The following NHLRC2 variants were observed in gnomAD, a reference collection of about 807,000 sequenced individuals.
NHLRC2 encodes the protein NHL repeat-containing protein 2.
A neutral mutation model predicts 68.1 loss-of-function variants in NHLRC2; 33 were observed. The observed-to-expected ratio is 0.48, with a 90% CI of 0.37 to 0.65. NHLRC2 has a LOEUF of 0.65. Ranked by LOEUF, NHLRC2 falls within the 30% of genes least tolerant of loss-of-function variation. NHLRC2 has a pLI of 0.00. For missense variants in NHLRC2, 761 were observed against 853.8 expected, an observed-to-expected ratio of 0.89 and a Z score of 1.35; for synonymous variants, 311 against 309.6, an observed-to-expected ratio of 1.00 and a Z score of -0.05.
intron 3 of NHLRC2, among the ~76,000 whole-genome samples, chr10:113,877,516 T>C (rs141525858): frequency 6.6e-6 from 1 of 152,288 alleles, no homozygotes; most frequent in East Asian, 1.9e-4. Context: ...GAAATAGGTG[T>C]AGCAGAGTAT....
intron 4 of NHLRC2, among the ~76,000 whole-genome samples, chr10:113,883,372 A>G: frequency 6.6e-6 from 1 of 151,954 alleles, no homozygotes; most frequent in Non-Finnish European, 1.5e-5. Flanking sequence ...GAATACATGT[A>G]CATTTTCTCC....
intron 3 of NHLRC2, among the ~76,000 whole-genome samples, chr10:113,879,360 C>T (rs1386672123): frequency 6.6e-6 from 1 of 152,098 alleles, no homozygotes; most frequent in Non-Finnish European, 1.5e-5. Context: ...TCGCTATATA[C>T]TACTATGCTT....
Position 113,901,722 on chromosome 10 carries a change from G to A in NHLRC2, c.1196G>A (p.Arg399Gln), listed in dbSNP as rs753981204. Reference protein sequence around the residue: ...RFAGSGNEENRNNAYPHKAGF... With the variant: ...RFAGSGNEENQNNAYPHKAGF... ...GCTGGAAGTGGAAATGAAGAGAATC[G>A]AAACAATGCCTATCCTCACAAGGCA... is the stretch of plus-strand genomic sequence containing the variant. Residue 399 changes from arginine (R) to glutamine (Q), a missense_variant, in exon 7 of 11, where the codon CGA becomes CAA. Coordinates refer to ENST00000369301, the MANE Select transcript of NHLRC2 (RefSeq NM_198514.4). 29 of 1,614,034 alleles carry A rather than the reference G, an allele frequency of 1.8e-5. No individual in the cohort carries two copies. Among genetic ancestry groups the A allele is most frequent in the African/African-American group, 5.3e-5 (4 of 74,940 alleles).
chr10:113,879,719 T>C, intron 4 of NHLRC2, 24 bp downstream of exon 4: 1 of 1,394,234 alleles, frequency 7.2e-7, no homozygotes. Context: ...TAAATTTGTT[T>C]TAATACTTAC....
intron 5 of NHLRC2, among the ~76,000 whole-genome samples, chr10:113,890,866 C>T (rs1468790752): frequency 6.6e-6 from 1 of 152,054 alleles, no homozygotes; most frequent in East Asian, 1.9e-4. Context: ...GCTGGGGAGG[C>T]CTCAGGAAAC....
chr10:113,884,192 C>T, intron 4 of NHLRC2, 59 bp from the exon 5 acceptor site: 3 of 1,527,730 alleles, frequency 2.0e-6, no homozygotes, highest in Non-Finnish European at 2.7e-6. Flanking sequence ...CTTTACACAG[C>T]AAAAGACAAA....
rs1356899041 is a variant in NHLRC2 at position 113,913,273 on chromosome 10, A to T, written c.*4737A>T. ...GGTTTTCTTAAAACATAAATCTTTCATAACTTTATATATTTATAGTAACTT... is the reference window on the plus strand; with the variant it reads ...GGTTTTCTTAAAACATAAATCTTTCTTAACTTTATATATTTATAGTAACTT... On this transcript the variant is annotated 3_prime_UTR_variant, in exon 11 of 11. Coordinates refer to ENST00000369301, the MANE Select transcript of NHLRC2 (RefSeq NM_198514.4). 1.3e-5 allele frequency: 2 copies of T among 152,198 alleles called. No homozygotes were observed. The highest frequency in any genetic ancestry group is 6.5e-5 in the Admixed American group (1 of 15,286). The allele number at this position is 152,198 out of a possible 1,614,324, so 9.4% of individuals were successfully genotyped here.
chr10:113,872,761 T>TAAAAAAAAAA (rs56279136), intron 2 of NHLRC2, among the ~76,000 whole-genome samples: 1 of 136,384 alleles, frequency 7.3e-6, no homozygotes, highest in Admixed American at 7.2e-5. Flanking sequence ...GAAAATGAGC[T>TAAAAAAAAAA]AAAAAAAAAA....
rs963455260 is a variant in NHLRC2, at chr10:113,910,448, C to T, written c.*1912C>T. ...AAACTCCTGGCCTCAGGTGATCCGC[C>T]TGCCTCTGTCTCCCAAAGTGCTGGG... On this transcript the variant is annotated 3_prime_UTR_variant, in exon 11 of 11. Coordinates refer to ENST00000369301, the MANE Select transcript of NHLRC2 (RefSeq NM_198514.4). 1 of 152,230 alleles carries T rather than the reference C, an allele frequency of 6.6e-6. No homozygotes were observed. Among genetic ancestry groups the T allele is most frequent in the Non-Finnish European group, 1.5e-5 (1 of 68,072 alleles). 9.4% of individuals were successfully genotyped at this position (152,230 alleles called of 1,614,324 possible). A position where few individuals can be genotyped will look rare whatever the true frequency, so the allele number is the denominator to read the frequency against.
chr10:113,888,792 G>A (rs1025966476), intron 5 of NHLRC2, among the ~76,000 whole-genome samples: 3 of 148,910 alleles, frequency 2.0e-5, no homozygotes, highest in African/African-American at 7.4e-5. Flanking sequence ...CCTGAAAGAC[G>A]TTTAGCATAA....
chr10:113,871,904 C>T (rs1845929364), intron 2 of NHLRC2, among the ~76,000 whole-genome samples: 1 of 152,074 alleles, frequency 6.6e-6, no homozygotes. Flanking sequence ...AACTAAATTC[C>T]CATAAAGGTT....
intron 4 of NHLRC2, among the ~76,000 whole-genome samples, chr10:113,880,726 C>A (rs1846029963): frequency 6.6e-6 from 1 of 151,850 alleles, no homozygotes; most frequent in Admixed American, 6.6e-5. Context: ...CTACTGAATC[C>A]TAGCACCTAG....
intron 1 of NHLRC2, among the ~76,000 whole-genome samples, chr10:113,858,080 T>G (rs1295231264): frequency 6.6e-6 from 1 of 151,744 alleles, no homozygotes; most frequent in African/African-American, 2.4e-5. Flanking sequence ...GTGTTGCCTT[T>G]ACTCCTTTTC....
intron 6 of NHLRC2, among the ~76,000 whole-genome samples, chr10:113,899,465 T>G (rs1846209343): frequency 6.6e-6 from 1 of 152,228 alleles, no homozygotes; most frequent in Admixed American, 6.5e-5. Flanking sequence ...TTAAGACATT[T>G]AATCGTTTAG....
At chr10:113,882,441 C>T (rs1846043524) in intron 4 of NHLRC2, among the ~76,000 whole-genome samples, 1 of 151,722 alleles carries the variant, frequency 6.6e-6, no homozygotes, top group Non-Finnish European at 1.5e-5. Context: ...ATATGCATTT[C>T]CCTTATGACT....
chr10:113,897,606 G>C (rs1846188016), intron 5 of NHLRC2, among the ~76,000 whole-genome samples: 1 of 152,164 alleles, frequency 6.6e-6, no homozygotes, highest in Non-Finnish European at 1.5e-5. Flanking sequence ...TAGGTTTCCT[G>C]TTCATTTTCG....
Position 113,914,163 on chromosome 10 carries a change from CTTTGTTTTGT to C in NHLRC2, c.*5641_*5650del, listed in dbSNP as rs895284585. ...ACCGTACCCAGCCTAGCATTAGGTACTTTGTTTTGTTTTGTTTTGTTTTTGTTTTTTTTGA... is the reference window on the plus strand; with the variant it reads ...ACCGTACCCAGCCTAGCATTAGGTACTTTGTTTTGTTTTTGTTTTTTTTGA... On this transcript the variant is annotated 3_prime_UTR_variant, in exon 11 of 11. Transcript: ENST00000369301. 2 of 142,260 alleles carry C rather than the reference CTTTGTTTTGT, an allele frequency of 1.4e-5. No individual in the cohort carries two copies. Among genetic ancestry groups the C allele is most frequent in the Admixed American group, 1.5e-4 (2 of 13,780 alleles). 8.8% of individuals were successfully genotyped at this position (142,260 alleles called of 1,614,324 possible). A position where few individuals can be genotyped will look rare whatever the true frequency, so the allele number is the denominator to read the frequency against.
chr10:113,905,535 T>A (rs1227791333), intron 10 of NHLRC2, among the ~76,000 whole-genome samples: 1 of 152,196 alleles, frequency 6.6e-6, no homozygotes, highest in Non-Finnish European at 1.5e-5. Flanking sequence ...CTGCTTGCCT[T>A]GCAGTATGCA....
At chr10:113,874,009 A>G (rs961268075) in intron 2 of NHLRC2, among the ~76,000 whole-genome samples, 1 of 152,130 alleles carries the variant, frequency 6.6e-6, no homozygotes, top group Non-Finnish European at 1.5e-5. Flanking sequence ...ACTTATTCAT[A>G]TGACTGGTAA....
Sources: gnomAD v4.1 joint callset for allele counts (sites outside exome capture counted in the v4.1 genomes callset) on GRCh38, gnomAD v4.1.1 for gene constraint, MANE v1.5 for transcripts, NCBI Gene and HGNC (gene_info 2026-07-23, HGNC 2026-07-21) for gene names.